ANXA5: variants seen among roughly 807,000 people sequenced by gnomAD.
ANXA5 encodes the protein annexin A5, also known as CBP-I.
Under a neutral mutation model 48.1 loss-of-function variants are expected in ANXA5, and 40 were observed. The ratio of observed to expected loss-of-function variants is 0.83; its 90% CI spans 0.65 to 1.08. The LOEUF is 1.08. Ranked by LOEUF, ANXA5 falls within the 50% of genes least tolerant of loss-of-function variation. The pLI, the probability that ANXA5 is intolerant of heterozygous loss-of-function variation, is 0.00. For missense variants in ANXA5, 357 were observed against 376.8 expected (o/e 0.95, Z 0.44); for synonymous variants, 113 against 129.1 (o/e 0.88, Z 0.85).
chr4:121,683,399 G>C lies in ANXA5; in HGVS notation c.268C>G (p.Leu90Val), dbSNP rs1472117522. The C allele has an allele frequency of 1.2e-6, 2 of 1,608,630 alleles. No individual in the cohort carries two copies. Among genetic ancestry groups the C allele is most frequent in the South Asian group, 2.2e-5 (2 of 90,366 alleles). The change falls in exon 5 of 13, where the codon CTT (leucine) becomes GTT (valine). Residue 90 changes from leucine (L) to valine (V), a missense_variant. By Grantham distance (32) the Leu-to-Val change is conservative. Transcript: ENST00000296511. Reference sequence around the variant, plus strand: ...TGTTTCAGTTCATAAGCATCATAAAGCCGAGAGGGTTTCATCAGAGCCACA... The same window carrying C: ...TGTTTCAGTTCATAAGCATCATAAACCCGAGAGGGTTTCATCAGAGCCACA... ...LIVALMKPSR[L>V]YDAYELKHAL...
chr4:121,684,035 T>C (rs181335290), intron 4 of ANXA5, among the ~76,000 whole-genome samples: 133 of 152,212 alleles, frequency 8.7e-4, no homozygotes, highest in African/African-American at 3.0e-3. Flanking sequence ...CAGTATTTCC[T>C]ACCTATAAGT....
At chr4:121,676,250 G>C (rs1724696623) in intron 8 of ANXA5, among the ~76,000 whole-genome samples, 1 of 152,214 alleles carries the variant, frequency 6.6e-6, no homozygotes, top group Non-Finnish European at 1.5e-5. Flanking sequence ...AATTAAGCTA[G>C]ATCTATGCTT....
At chr4:121,685,700 T>A (rs1278992956) in intron 3 of ANXA5, among the ~76,000 whole-genome samples, 1 of 152,138 alleles carries the variant, frequency 6.6e-6, no homozygotes, top group Non-Finnish European at 1.5e-5. Context: ...GAGAGGTTTT[T>A]AAATGACTAG....
At chr4:121,688,118 C>G (rs773279133) in intron 2 of ANXA5, among the ~76,000 whole-genome samples, 8 of 152,152 alleles carry the variant, frequency 5.3e-5, no homozygotes, top group Non-Finnish European at 1.0e-4. Flanking sequence ...GCTTGCCTCT[C>G]TCTGCTCTGT....
intron 2 of ANXA5, among the ~76,000 whole-genome samples, chr4:121,686,713 A>T (rs1724897374): frequency 1.3e-5 from 2 of 152,126 alleles, no homozygotes; most frequent in Admixed American, 1.3e-4. Context: ...TTTGATCTAC[A>T]AGCATACTGA....
chr4:121,686,577 G>C (rs1362170721), intron 2 of ANXA5, among the ~76,000 whole-genome samples: 1 of 152,144 alleles, frequency 6.6e-6, no homozygotes, highest in Non-Finnish European at 1.5e-5. Flanking sequence ...AAGCTATCCT[G>C]ATCACCTGTA....
chr4:121,685,101 C>T (rs756308142), intron 3 of ANXA5, among the ~76,000 whole-genome samples: 2 of 151,168 alleles, frequency 1.3e-5, no homozygotes, highest in Admixed American at 1.3e-4. Context: ...CGCAAATACA[C>T]ACATATATAT....
intron 3 of ANXA5, 131 bp from the exon 4 acceptor site, chr4:121,684,902 C>T (rs910235505): frequency 2.4e-5 from 16 of 657,302 alleles, no homozygotes; most frequent in East Asian, 5.9e-5. Flanking sequence ...ATTTTATGGC[C>T]GGCGCAGTGG....
At chr4:121,668,599 G>T in intron 12 of ANXA5, 72 bp from the exon 13 acceptor site, 2 of 1,317,992 alleles carry the variant, frequency 1.5e-6, no homozygotes, top group Non-Finnish European at 1.1e-6. Context: ...CTAAATAACT[G>T]GCAACAAATT....
At position 121,678,484 on chromosome 4, in the gene ANXA5, T is replaced by G. The variant is rs1268263469; in HGVS notation, c.405A>C (p.Ser135=). 6.2e-7 allele frequency: 1 copy of G among 1,613,370 alleles called. No individual in the cohort carries two copies. Among genetic ancestry groups the G allele is most frequent in the Non-Finnish European group, 8.5e-7 (1 of 1,179,698 alleles). ...IKQVYEEEYG[S]SLEDDVVGDT... ...CCCCCACCACGTCATCTTCCAGGCT[T>G]GAGCCATATTCTGCAACAAAATAAT... Residue 135 remains serine, a synonymous_variant, in exon 7 of 13, where the codon TCA becomes TCC. Transcript: ENST00000296511.
chr4:121,676,202 T>C (rs1307522185), intron 8 of ANXA5, among the ~76,000 whole-genome samples: 1 of 151,838 alleles, frequency 6.6e-6, no homozygotes, highest in African/African-American at 2.4e-5. Context: ...AGTACAACTC[T>C]GTAGGGTTGC....
At chr4:121,693,239 A>AG (rs1329012753) in intron 2 of ANXA5, among the ~76,000 whole-genome samples, 2 of 151,598 alleles carry the variant, frequency 1.3e-5, no homozygotes, top group Non-Finnish European at 2.9e-5. Context: ...ATCTCGGGGG[A>AG]GAAAAAAAAA....
At position 121,668,519 on chromosome 4, in the gene ANXA5, T is replaced by C. The variant is rs1263618745; in HGVS notation, c.912A>G (p.Thr304=). ...GAAGAGCTTTCTTATAGTCCCCAGA[T>C]GTATCTCCCTGAAACCAAATGTATT... ...TSLYSMIKGD[T]SGDYKKALLL... is the part of the protein sequence containing the mutation. The change falls in exon 13 of 13, where the codon ACA becomes ACG. Residue 304 remains threonine, a synonymous_variant. Transcript: ENST00000296511. 1 of 1,613,288 alleles carries C rather than the reference T, an allele frequency of 6.2e-7. No homozygotes were observed. The highest frequency in any genetic ancestry group is 1.7e-5 in the Admixed American group (1 of 59,998).
intron 9 of ANXA5, 50 bp downstream of exon 9, chr4:121,672,483 C>A (rs377645865): frequency 1.5e-6 from 2 of 1,361,558 alleles, no homozygotes; most frequent in African/African-American, 2.9e-5. Flanking sequence ...GGCTCATGCA[C>A]TTTCCAAATT....
intron 8 of ANXA5, among the ~76,000 whole-genome samples, chr4:121,676,956 A>G (rs1212773816): frequency 1.3e-5 from 2 of 152,198 alleles, no homozygotes; most frequent in Non-Finnish European, 2.9e-5. Context: ...GACAGAGTGA[A>G]GCAAGAGTCA....
intron 6 of ANXA5, 85 bp from the exon 7 acceptor site, chr4:121,678,579 TA>T: frequency 9.1e-7 from 1 of 1,101,666 alleles, no homozygotes; most frequent in East Asian, 2.5e-5. Context: ...GAAAGCGATG[TA>T]AAAGAAGAAA....
Position 121,696,610 on chromosome 4 carries a change from GA to G in ANXA5, c.-22del. 2 of 1,418,296 alleles carry G rather than the reference GA, an allele frequency of 1.4e-6. No homozygotes were observed. Among genetic ancestry groups the G allele is most frequent in the South Asian group, 1.7e-5 (1 of 57,526 alleles). The allele number at this position is 1,418,296 out of a possible 1,614,324, so 87.9% of individuals were successfully genotyped here. On this transcript the variant is annotated 5_prime_UTR_variant, in exon 2 of 13. Transcript: ENST00000296511. ...GCCATGGCGACTACTCAGGTCAGGG[GA>G]AGGTGAAGCAGGACTGCAAAAGAGA...
chr4:121,672,436 C>CT, intron 9 of ANXA5, 97 bp downstream of exon 9: 1 of 788,872 alleles, frequency 1.3e-6, no homozygotes, highest in Non-Finnish European at 2.1e-6. Flanking sequence ...GATTCATTCT[C>CT]TAAGTCCCTG....
rs1465874176 is a variant in ANXA5, at chr4:121,684,677, C to T, written c.189G>A (p.Arg63=). The change falls in exon 4 of 13, where the codon AGG becomes AGA. Residue 63 remains arginine, a splice_region_variant and synonymous_variant. Transcript: ENST00000296511. Reference sequence around the variant, plus strand: ...CTCTTGGGATGAAGTGTGGTCTTACCCTGCCAAACAGAGTCTTAAAAGCTG... The same window carrying T: ...CTCTTGGGATGAAGTGTGGTCTTACTCTGCCAAACAGAGTCTTAAAAGCTG... ...ISAAFKTLFG[R]DLLDDLKSEL... The T allele has an allele frequency of 6.2e-7, 1 of 1,613,224 alleles. No homozygotes were observed. Among genetic ancestry groups the T allele is most frequent in the East Asian group, 2.2e-5 (1 of 44,844 alleles).
Sources: allele counts gnomAD v4.1 joint callset (sites outside exome capture counted in the v4.1 genomes callset), GRCh38; gene constraint gnomAD v4.1.1; transcripts MANE v1.5; gene names NCBI Gene and HGNC (gene_info 2026-07-23, HGNC 2026-07-21).